The following HCN1 variants were observed in gnomAD, a reference collection of about 807,000 sequenced individuals.
The protein encoded by HCN1 is hyperpolarization activated cyclic nucleotide gated potassium channel 1.
In HCN1, 13 loss-of-function variants were observed where a neutral mutation model predicts 78.9. The observed-to-expected ratio is 0.16, with a 90% CI of 0.11 to 0.26. The LOEUF (loss-of-function observed/expected upper bound fraction) is 0.26, where lower values mean the gene tolerates loss of function less well. Among genes scored for constraint, HCN1 ranks in the 10% least tolerant of loss-of-function variants. The pLI is 1.00. For missense variants in HCN1, 810 were observed against 1,154.3 expected (o/e 0.70, Z 4.32); for synonymous variants, 552 against 455.5 (o/e 1.21, Z -2.70).
At chr5:45,548,452 T>C (rs1354636930) in intron 2 of HCN1, among the ~76,000 whole-genome samples, 2 of 152,020 alleles carry the variant, frequency 1.3e-5, no homozygotes, top group African/African-American at 4.8e-5. Flanking sequence ...CAGCCCTTCA[T>C]GCTAAAAACT....
chr5:45,627,320 G>A (rs765042695), intron 2 of HCN1, among the ~76,000 whole-genome samples: 1 of 152,104 alleles, frequency 6.6e-6, no homozygotes, highest in Non-Finnish European at 1.5e-5. Flanking sequence ...AGTCACACAT[G>A]TCATTTTTTC....
chr5:45,471,029 C>T (rs1741380075), intron 2 of HCN1, among the ~76,000 whole-genome samples: 1 of 151,816 alleles, frequency 6.6e-6, no homozygotes, highest in Non-Finnish European at 1.5e-5. Flanking sequence ...TCTGTCTTAC[C>T]TGTTTAATAA....
intron 3 of HCN1, among the ~76,000 whole-genome samples, chr5:45,433,587 T>C (rs1279029492): frequency 1.3e-5 from 2 of 152,144 alleles, no homozygotes; most frequent in South Asian, 2.1e-4. Flanking sequence ...AAAGTTAGTA[T>C]TGATATATGC....
chr5:45,663,154 A>G (rs1012200568), intron 1 of HCN1, among the ~76,000 whole-genome samples: 2 of 141,224 alleles, frequency 1.4e-5, no homozygotes, highest in South Asian at 4.8e-4. Flanking sequence ...ATAATGCCGC[A>G]TATCTACAAC....
intron 4 of HCN1, among the ~76,000 whole-genome samples, chr5:45,373,612 CTATAA>C (rs928439297): frequency 1.0e-4 from 14 of 134,084 alleles, no homozygotes; most frequent in South Asian, 2.3e-4. Context: ...TATACGTCAT[CTATAA>C]TATATTACAT....
chr5:45,449,934 G>A (rs1230293908), intron 3 of HCN1, among the ~76,000 whole-genome samples: 4 of 152,178 alleles, frequency 2.6e-5, no homozygotes, highest in Non-Finnish European at 4.4e-5. Context: ...CAGGGTTCAC[G>A]CCATTCTCCC....
At chr5:45,611,269 C>CTTTTTTT (rs1054830050) in intron 2 of HCN1, among the ~76,000 whole-genome samples, 227 of 113,728 alleles carry the variant, frequency 2.0e-3, no homozygotes, top group Non-Finnish European at 2.9e-3. Flanking sequence ...TTATCTTTTT[C>CTTTTTTT]TTTTTTTTTT....
At chr5:45,511,862 G>C (rs1448864179) in intron 2 of HCN1, among the ~76,000 whole-genome samples, 1 of 152,034 alleles carries the variant, frequency 6.6e-6, no homozygotes, top group African/African-American at 2.4e-5. Context: ...ATGTATCAGA[G>C]TAAGATGTTA....
At chr5:45,656,800 T>A (rs1455789886) in intron 1 of HCN1, among the ~76,000 whole-genome samples, 1 of 152,168 alleles carries the variant, frequency 6.6e-6, no homozygotes, top group Non-Finnish European at 1.5e-5. Flanking sequence ...TCCTTCAAAA[T>A]GATTTTCTAA....
intron 3 of HCN1, among the ~76,000 whole-genome samples, chr5:45,418,257 G>A (rs1191079780): frequency 1.3e-5 from 2 of 151,652 alleles, no homozygotes; most frequent in Non-Finnish European, 3.0e-5. Flanking sequence ...AAAGAAAGGT[G>A]AGAAAACATA....
intron 4 of HCN1, among the ~76,000 whole-genome samples, chr5:45,367,716 G>A (rs1201977225): frequency 1.3e-5 from 2 of 151,872 alleles, no homozygotes; most frequent in African/African-American, 4.8e-5. Flanking sequence ...GAAGTAGTGA[G>A]AGAAGACAAA....
intron 3 of HCN1, among the ~76,000 whole-genome samples, chr5:45,436,262 T>C (rs1395628940): frequency 6.6e-6 from 1 of 152,176 alleles, no homozygotes; most frequent in Non-Finnish European, 1.5e-5. Flanking sequence ...AATCAGCTTT[T>C]AACTAAGCCC....
intron 1 of HCN1, among the ~76,000 whole-genome samples, chr5:45,685,377 C>T (rs150043294): frequency 6.6e-6 from 1 of 152,158 alleles, no homozygotes; most frequent in African/African-American, 2.4e-5. Flanking sequence ...TCTATACCAA[C>T]TAAAGAGATT....
At chr5:45,665,304 G>A (rs13189510) in intron 1 of HCN1, among the ~76,000 whole-genome samples, 3 of 119,910 alleles carry the variant, frequency 2.5e-5, no homozygotes, top group Non-Finnish European at 5.1e-5. Context: ...GTTGTGGGGT[G>A]GGGGGAGGGG....
At chr5:45,340,715 A>G (rs1321090038) in intron 5 of HCN1, among the ~76,000 whole-genome samples, 1 of 152,178 alleles carries the variant, frequency 6.6e-6, no homozygotes, top group African/African-American at 2.4e-5. Context: ...ATTATGAAAA[A>G]GCTATATATG....
chr5:45,683,513 T>G (rs1289922966), intron 1 of HCN1, among the ~76,000 whole-genome samples: 1 of 152,140 alleles, frequency 6.6e-6, no homozygotes, highest in Non-Finnish European at 1.5e-5. Context: ...TTGTATTGCC[T>G]GACCTATCCA....
chr5:45,268,507 T>G (rs1056921874), intron 6 of HCN1, among the ~76,000 whole-genome samples: 1 of 152,106 alleles, frequency 6.6e-6, no homozygotes, highest in Non-Finnish European at 1.5e-5. Context: ...TTTAAAGAAG[T>G]TCTATTTATG....
intron 1 of HCN1, among the ~76,000 whole-genome samples, chr5:45,659,904 C>G (rs1745889176): frequency 7.0e-6 from 1 of 143,078 alleles, no homozygotes; most frequent in Non-Finnish European, 1.5e-5. Flanking sequence ...AGGAGAACTT[C>G]CCCAATCTAG....
intron 2 of HCN1, among the ~76,000 whole-genome samples, chr5:45,541,533 T>C (rs143534068): frequency 6.6e-5 from 10 of 152,324 alleles, no homozygotes; most frequent in East Asian, 3.9e-4. Context: ...CTTGTAACCA[T>C]TGCACTTATC....
Sources: allele counts gnomAD v4.1 joint callset (sites outside exome capture counted in the v4.1 genomes callset), GRCh38; gene constraint gnomAD v4.1.1; transcripts MANE v1.5; gene names NCBI Gene and HGNC (gene_info 2026-07-23, HGNC 2026-07-21).